The following ZDHHC20 variants were observed in gnomAD, a reference collection of about 807,000 sequenced individuals.
ZDHHC20 encodes the protein zDHHC palmitoyltransferase 20.
Under a neutral mutation model 57.8 loss-of-function variants are expected in ZDHHC20, and 43 were observed. The observed-to-expected ratio is 0.74, with a 90% CI of 0.58 to 0.96. The LOEUF (loss-of-function observed/expected upper bound fraction) is 0.96, where lower values mean the gene tolerates loss of function less well. ZDHHC20 is among the 40% of genes least tolerant of loss of function. The pLI, the probability that ZDHHC20 is intolerant of heterozygous loss-of-function variation, is 0.00. For missense variants in ZDHHC20, 391 were observed against 441.1 expected, an observed-to-expected ratio of 0.89 and a Z score of 1.02; for synonymous variants, 157 against 153.0, an observed-to-expected ratio of 1.03 and a Z score of -0.19.
chr13:21,396,986 T>C (rs540616203), intron 7 of ZDHHC20, among the ~76,000 whole-genome samples: 9 of 152,330 alleles, frequency 5.9e-5, no homozygotes, highest in Non-Finnish European at 4.4e-5. Context: ...CTTCTCCCAG[T>C]CAGTAGCTTG....
intron 2 of ZDHHC20, among the ~76,000 whole-genome samples, chr13:21,421,534 T>C (rs2137907734): frequency 6.6e-6 from 1 of 152,282 alleles, no homozygotes. Flanking sequence ...ACTATGAACA[T>C]TACATCCAAG....
chr13:21,401,958 C>CAGTG (rs1035255832), intron 5 of ZDHHC20, among the ~76,000 whole-genome samples: 6 of 152,042 alleles, frequency 3.9e-5, no homozygotes, highest in Non-Finnish European at 7.4e-5. Context: ...GGGCTGGGCA[C>CAGTG]AGTGGCTCAT....
rs552608649 is a variant in ZDHHC20, at chr13:21,390,864, C to T, written c.727+858G>A. ...GCAGTGAGCTGTGATGGTACTACTG[C>T]ACTCTAGCCAGAGCAAGAGTGAGAC... On this transcript the variant is annotated intron_variant, in intron 8 of 12. Coordinates refer to ENST00000400590, the MANE Select transcript of ZDHHC20 (RefSeq NM_001330059.2). 2.7e-5 allele frequency among the ~76,000 whole-genome samples: 4 copies of T among 150,466 alleles called. No homozygotes were observed. In the East Asian group the frequency reaches 7.8e-4, roughly 29 times the overall value.
intron 4 of ZDHHC20, among the ~76,000 whole-genome samples, chr13:21,413,395 G>C (rs753734864): frequency 6.6e-6 from 1 of 151,948 alleles, no homozygotes; most frequent in Non-Finnish European, 1.5e-5. Flanking sequence ...CATGAAAGTT[G>C]AGTTGGGGGA....
intron 4 of ZDHHC20, among the ~76,000 whole-genome samples, chr13:21,412,181 T>C (rs9506674): frequency 0.15 from 22,431 of 152,238 alleles, 2,240 homozygotes; most frequent in Non-Finnish European, 0.23. Flanking sequence ...AATCCTTGAA[T>C]GCAGCTGCAA....
At chr13:21,421,820 T>C (rs1880681563) in intron 2 of ZDHHC20, among the ~76,000 whole-genome samples, 1 of 152,184 alleles carries the variant, frequency 6.6e-6, no homozygotes, top group South Asian at 2.1e-4. Flanking sequence ...AAGAACTATC[T>C]ATCAGATGCT....
intron 9 of ZDHHC20, among the ~76,000 whole-genome samples, chr13:21,385,179 A>G (rs2137673780): frequency 6.6e-6 from 1 of 152,308 alleles, no homozygotes; most frequent in East Asian, 1.9e-4. Context: ...CTGTAATAGC[A>G]GCACTTTGGG....
chr13:21,403,108 G>A (rs1347151326), intron 4 of ZDHHC20, among the ~76,000 whole-genome samples: 3 of 152,104 alleles, frequency 2.0e-5, no homozygotes, highest in Non-Finnish European at 4.4e-5. Flanking sequence ...TAGATGCAAA[G>A]CAAATAAATG....
chr13:21,396,482 A>G (rs1314325027), intron 7 of ZDHHC20, among the ~76,000 whole-genome samples: 1 of 152,160 alleles, frequency 6.6e-6, no homozygotes, highest in Non-Finnish European at 1.5e-5. Flanking sequence ...GAACTGCTTT[A>G]AAAATATAAA....
At chr13:21,427,133 A>G (rs904797636) in intron 1 of ZDHHC20, among the ~76,000 whole-genome samples, 5 of 151,848 alleles carry the variant, frequency 3.3e-5, no homozygotes, top group African/African-American at 1.2e-4. Context: ...TCTTTACCAC[A>G]CCATCTCATT....
At chr13:21,402,451 T>G (rs1190615650) in intron 5 of ZDHHC20, among the ~76,000 whole-genome samples, 1 of 152,190 alleles carries the variant, frequency 6.6e-6, no homozygotes, top group Non-Finnish European at 1.5e-5. Context: ...TAAGTAACTG[T>G]GTTACTAAAA....
chr13:21,378,418 CTAG>C (rs1369024925), intron 12 of ZDHHC20, among the ~76,000 whole-genome samples: 6 of 152,102 alleles, frequency 3.9e-5, no homozygotes, highest in African/African-American at 1.4e-4. Context: ...GGTCCACATA[CTAG>C]TCCTAAACTA....
intron 4 of ZDHHC20, among the ~76,000 whole-genome samples, chr13:21,403,465 G>A (rs1187086470): frequency 6.6e-6 from 1 of 152,162 alleles, no homozygotes; most frequent in Non-Finnish European, 1.5e-5. Flanking sequence ...CTAGGTGCCA[G>A]ATATTGTTCA....
intron 2 of ZDHHC20, among the ~76,000 whole-genome samples, chr13:21,424,879 G>A (rs1005561235): frequency 6.6e-6 from 1 of 152,144 alleles, no homozygotes; most frequent in South Asian, 2.1e-4. Flanking sequence ...AGCCAACCAA[G>A]ATTGAGTCTG....
At chr13:21,378,603 A>G in intron 12 of ZDHHC20, 58 bp downstream of exon 12, 1 of 1,020,630 alleles carries the variant, frequency 9.8e-7, no homozygotes, top group Non-Finnish European at 1.3e-6. Flanking sequence ...TTGTTTAAAG[A>G]TTATGAAATA....
chr13:21,386,592 A>C (rs959307611), intron 9 of ZDHHC20, among the ~76,000 whole-genome samples: 4 of 152,236 alleles, frequency 2.6e-5, no homozygotes, highest in Non-Finnish European at 4.4e-5. Context: ...TCTGTTGCCC[A>C]GGCTGCAATG....
intron 7 of ZDHHC20, among the ~76,000 whole-genome samples, chr13:21,400,075 A>C (rs1877402668): frequency 6.6e-6 from 1 of 151,718 alleles, no homozygotes; most frequent in Non-Finnish European, 1.5e-5. Flanking sequence ...AAGTCTCACC[A>C]ACTCAAAGAA....
chr13:21,455,109 T>C (rs1041602844), intron 1 of ZDHHC20, among the ~76,000 whole-genome samples: 10 of 152,098 alleles, frequency 6.6e-5, no homozygotes, highest in South Asian at 4.1e-4. Flanking sequence ...TTTAGAGAGA[T>C]GGGGTTTCAC....
chr13:21,443,997 A>G (rs892379358), intron 1 of ZDHHC20, among the ~76,000 whole-genome samples: 7 of 152,158 alleles, frequency 4.6e-5, no homozygotes, highest in African/African-American at 1.7e-4. Flanking sequence ...CTCTACTAAA[A>G]ATACAAAAAT....
Sources: gnomAD v4.1 joint callset for allele counts (sites outside exome capture counted in the v4.1 genomes callset) on GRCh38, gnomAD v4.1.1 for gene constraint, MANE v1.5 for transcripts, NCBI Gene and HGNC (gene_info 2026-07-23, HGNC 2026-07-21) for gene names.